Variants in TRDN observed in about 807,000 individuals in gnomAD.
TRDN encodes the protein triadin.
Under a neutral mutation model 149.7 loss-of-function variants are expected in TRDN, and 161 were observed. The observed-to-expected ratio is 1.08, with a 90% CI of 0.95 to 1.23. The LOEUF is 1.23. Ranked by LOEUF, TRDN falls within the 50% of genes most tolerant of loss-of-function variation. The pLI is 0.00. For synonymous variants in TRDN, 294 were observed against 250.5 expected (o/e 1.17, Z -1.64); for missense variants, 896 against 823.5 (o/e 1.09, Z -1.08).
At chr6:123,470,979 C>T (rs1777118037) in intron 9 of TRDN, 2 of 152,044 alleles carry the variant, frequency 1.3e-5, no homozygotes, top group South Asian at 2.1e-4. Flanking sequence ...TTCATGGAGA[C>T]TCCAGTGAGC....
At chr6:123,408,794 C>T (rs1185227464) in intron 12 of TRDN, among the ~76,000 whole-genome samples, 2 of 152,066 alleles carry the variant, frequency 1.3e-5, no homozygotes, top group Non-Finnish European at 2.9e-5. Flanking sequence ...AAGAGCATAT[C>T]TTTAAGAGTA....
At chr6:123,381,430 T>C (rs368139610) in intron 15 of TRDN, 40 bp from the exon 16 acceptor site, 2 of 1,537,820 alleles carry the variant, frequency 1.3e-6, no homozygotes, top group Admixed American at 2.0e-5. Context: ...CTTAAAACTT[T>C]AAAGATAAAA....
intron 9 of TRDN, 112 bp downstream of exon 9, chr6:123,497,081 C>T: frequency 1.4e-6 from 1 of 740,460 alleles, no homozygotes; most frequent in Non-Finnish European, 2.1e-6. Context: ...TAGATCTACA[C>T]ATGCATTATG....
intron 1 of TRDN, among the ~76,000 whole-genome samples, chr6:123,633,008 G>A (rs975474619): frequency 3.9e-5 from 6 of 151,990 alleles, no homozygotes; most frequent in African/African-American, 9.7e-5. Context: ...GCAGTGAAAC[G>A]TGATTCGGCT....
At chr6:123,479,403 C>A (rs904481640) in intron 9 of TRDN, among the ~76,000 whole-genome samples, 1 of 152,196 alleles carries the variant, frequency 6.6e-6, no homozygotes, top group East Asian at 1.9e-4. Flanking sequence ...AACAGCTCTA[C>A]TAACATATAG....
At chr6:123,563,621 G>A (rs1782116367) in intron 2 of TRDN, among the ~76,000 whole-genome samples, 1 of 152,086 alleles carries the variant, frequency 6.6e-6, no homozygotes, top group Admixed American at 6.6e-5. Context: ...TTTTCTGGTG[G>A]CATAAAAGTC....
chr6:123,255,832 T>C (rs1776536291), intron 36 of TRDN, 35 bp downstream of exon 36: 1 of 1,300,862 alleles, frequency 7.7e-7, no homozygotes, highest in African/African-American at 1.6e-5. Context: ...GCTTCAGGGC[T>C]TTGCATTCTA....
chr6:123,231,763 G>C lies in TRDN; in HGVS notation c.1976-7632C>G, dbSNP rs186777419. On this transcript the variant is annotated intron_variant, in intron 38 of 40. Transcript: ENST00000334268. ...GGCCTGCTGGGGAGTGAATGCAATG[G>C]TTTAGAGGAGAAACAGTAAAAGCCT... is the stretch of plus-strand genomic sequence containing the variant. Among the ~76,000 whole-genome samples the C allele has an allele frequency of 2.3e-3, 355 of 152,084 alleles. 2 individuals are homozygous for C. The Middle Eastern group carries it at 0.027, about 12-fold the overall frequency.
intron 1 of TRDN, among the ~76,000 whole-genome samples, chr6:123,581,547 A>G (rs987256421): frequency 6.6e-6 from 1 of 152,206 alleles, no homozygotes; most frequent in Admixed American, 6.5e-5. Context: ...AATAACCTCA[A>G]TATTTCTGCA....
intron 24 of TRDN, among the ~76,000 whole-genome samples, chr6:123,291,034 G>GT (rs1777993114): frequency 1.3e-5 from 2 of 151,806 alleles, no homozygotes; most frequent in Admixed American, 1.3e-4. Context: ...GCACATATCT[G>GT]TAATTCCAGC....
chr6:123,498,865 G>C (rs1778560957), intron 8 of TRDN, among the ~76,000 whole-genome samples: 1 of 152,124 alleles, frequency 6.6e-6, no homozygotes, highest in African/African-American at 2.4e-5. Flanking sequence ...TTAAGTGACT[G>C]TACTCTTTTT....
chr6:123,367,691 G>T (rs755449383), intron 19 of TRDN, among the ~76,000 whole-genome samples: 3 of 152,172 alleles, frequency 2.0e-5, no homozygotes, highest in Non-Finnish European at 4.4e-5. Context: ...GTTCACGCTG[G>T]AGGGCTATTG....
chr6:123,392,925 T>G (rs981400817), intron 13 of TRDN, among the ~76,000 whole-genome samples: 60 of 152,184 alleles, frequency 3.9e-4, no homozygotes, highest in African/African-American at 1.4e-3. Context: ...TTGCTTGATA[T>G]TATATAATCT....
intron 1 of TRDN, among the ~76,000 whole-genome samples, chr6:123,620,040 G>T (rs1785300138): frequency 1.3e-5 from 2 of 152,074 alleles, no homozygotes; most frequent in South Asian, 4.1e-4. Flanking sequence ...CATTGCCCAT[G>T]AAAAGAATCT....
At position 123,283,789 on chromosome 6, in the gene TRDN, G is replaced by A. The variant is rs558828532; in HGVS notation, c.1511-4707C>T. On this transcript the variant is annotated intron_variant, in intron 24 of 40. Coordinates refer to ENST00000334268, the MANE Select transcript of TRDN (RefSeq NM_006073.4). Reference sequence around the variant, plus strand: ...CCCCAACAGATCAATAACAAGCAGCGAGACTGAAATGATAATAAAAAATTA... The same window carrying A: ...CCCCAACAGATCAATAACAAGCAGCAAGACTGAAATGATAATAAAAAATTA... Among the ~76,000 whole-genome samples, 11 of 149,878 alleles carry A rather than the reference G, an allele frequency of 7.3e-5. No homozygotes were observed. In the South Asian group the frequency reaches 8.4e-4, roughly 11 times the overall value.
At chr6:123,256,418 C>G (rs1284000136) in intron 35 of TRDN, among the ~76,000 whole-genome samples, 1 of 152,140 alleles carries the variant, frequency 6.6e-6, no homozygotes, top group African/African-American at 2.4e-5. Flanking sequence ...GCCACACTGT[C>G]TTCTGCAACA....
At chr6:123,310,825 A>G (rs1200006389) in intron 24 of TRDN, among the ~76,000 whole-genome samples, 1 of 151,960 alleles carries the variant, frequency 6.6e-6, no homozygotes, top group Non-Finnish European at 1.5e-5. Context: ...TTGGAAAAAA[A>G]TAATACTACA....
chr6:123,224,274 G>C (rs1171648790), intron 38 of TRDN, 143 bp from the exon 39 acceptor site: 1 of 714,300 alleles, frequency 1.4e-6, no homozygotes, highest in African/African-American at 1.8e-5. Flanking sequence ...AATAAGAGCT[G>C]TCTGACCAAA....
At chr6:123,493,441 T>A (rs909003012) in intron 9 of TRDN, among the ~76,000 whole-genome samples, 2 of 152,138 alleles carry the variant, frequency 1.3e-5, no homozygotes, top group African/African-American at 4.8e-5. Context: ...ATTTTAAGAA[T>A]ATCTTAGAAG....
Sources: gnomAD v4.1 joint callset for allele counts (sites outside exome capture counted in the v4.1 genomes callset) on GRCh38, gnomAD v4.1.1 for gene constraint, MANE v1.5 for transcripts, NCBI Gene and HGNC (gene_info 2026-07-23, HGNC 2026-07-21) for gene names.